Variants in UBFD1 observed in about 807,000 individuals in gnomAD.
The protein encoded by UBFD1 is ubiquitin domain-containing protein UBFD1.
Under a neutral mutation model 35.1 loss-of-function variants are expected in UBFD1, and 12 were observed. The observed-to-expected ratio is 0.34, with a 90% CI of 0.22 to 0.55. The LOEUF is 0.55. UBFD1 is among the 20% of genes least tolerant of loss of function. UBFD1 has a pLI of 0.89. For missense variants in UBFD1, 337 were observed against 410.8 expected (o/e 0.82, Z 1.55); for synonymous variants, 178 against 167.6 (o/e 1.06, Z -0.48).
chr16:23,567,639 G>A (rs1335759750), intron 6 of UBFD1, among the ~76,000 whole-genome samples: 1 of 152,250 alleles, frequency 6.6e-6, no homozygotes, highest in African/African-American at 2.4e-5. Context: ...TGTTGTGCAG[G>A]TCTGCAGAAC....
rs1199918025 is a variant in UBFD1, at chr16:23,571,077, G to A, written c.*487G>A. 3 of 152,154 alleles carry A rather than the reference G, an allele frequency of 2.0e-5. No individual in the cohort carries two copies. The highest frequency in any genetic ancestry group is 7.3e-5 in the African/African-American group (3 of 41,272). The allele number at this position is 152,154 out of a possible 1,614,324, so 9.4% of individuals were successfully genotyped here. A position where few individuals can be genotyped will look rare whatever the true frequency, so the allele number is the denominator to read the frequency against. ...TGTATAAAATTGTATGCAAAATGGG[G>A]GTGGGTTAGTAAGCCACATATTTCT... On this transcript the variant is annotated 3_prime_UTR_variant, in exon 7 of 7. Transcript: ENST00000395878.
At chr16:23,561,991 G>A (rs1208452623) in intron 3 of UBFD1, 1 of 507,368 alleles carries the variant, frequency 2.0e-6, no homozygotes, top group Non-Finnish European at 3.5e-6. Context: ...AGTCACAGCA[G>A]TAGGTAGTGG....
chr16:23,562,864 T>C, intron 5 of UBFD1, 134 bp downstream of exon 5: 1 of 788,060 alleles, frequency 1.3e-6, no homozygotes, highest in Non-Finnish European at 2.1e-6. Flanking sequence ...TTCTGGCTTT[T>C]AAATTTGCTT....
At chr16:23,562,337 T>C in intron 4 of UBFD1, 66 bp downstream of exon 4, 2 of 1,387,814 alleles carry the variant, frequency 1.4e-6, no homozygotes, top group Non-Finnish European at 2.0e-6. Context: ...TTGAGGTTCC[T>C]CCAATCCTGT....
chr16:23,563,617 C>CT (rs1248114895), intron 5 of UBFD1, among the ~76,000 whole-genome samples: 1 of 152,198 alleles, frequency 6.6e-6, no homozygotes, highest in African/African-American at 2.4e-5. Context: ...TTACCTACTG[C>CT]TTTTTATCCT....
chr16:23,560,083 T>C (rs1161447921), intron 3 of UBFD1, among the ~76,000 whole-genome samples: 2 of 152,194 alleles, frequency 1.3e-5, no homozygotes, highest in African/African-American at 4.8e-5. Flanking sequence ...TGGCTAGGCA[T>C]GGAAATCAAC....
rs1282744522 is a variant in UBFD1 at position 23,559,686 on chromosome 16, T to A, written c.564+10T>A. On this transcript the variant is annotated intron_variant, in intron 3 of 6. Coordinates refer to ENST00000395878, the MANE Select transcript of UBFD1 (RefSeq NM_019116.3). Reference sequence around the variant, plus strand: ...TCTCTGCAGGCAGAAAGTGAGTCCATCTTGTGCTTCTTGGTCTTGAGAAAT... The same window carrying A: ...TCTCTGCAGGCAGAAAGTGAGTCCAACTTGTGCTTCTTGGTCTTGAGAAAT... 2 of 1,613,970 alleles carry A rather than the reference T, an allele frequency of 1.2e-6. No individual in the cohort carries two copies. The highest frequency in any genetic ancestry group is 1.7e-6 in the Non-Finnish European group (2 of 1,179,956).
At chr16:23,559,917 G>A (rs756515919) in intron 3 of UBFD1, 6 of 1,494,900 alleles carry the variant, frequency 4.0e-6, no homozygotes, top group Non-Finnish European at 4.5e-6. Flanking sequence ...CTTGGTAAAG[G>A]GAGGCTTCAG....
chr16:23,573,457 C>T lies in UBFD1; in HGVS notation c.*2867C>T, dbSNP rs79869738. 1.3e-5 allele frequency: 2 copies of T among 152,282 alleles called. No individual in the cohort carries two copies. Among genetic ancestry groups the T allele is most frequent in the Non-Finnish European group, 2.9e-5 (2 of 68,038 alleles). 9.4% of individuals were successfully genotyped at this position (152,282 alleles called of 1,614,324 possible). A position where few individuals can be genotyped will look rare whatever the true frequency, so the allele number is the denominator to read the frequency against. On this transcript the variant is annotated 3_prime_UTR_variant, in exon 7 of 7. Transcript: ENST00000395878. ...GCGTGACCCTGTGAGCCAGGCCCCC[C>T]TTAGCTCTGCTTCAGATCACAGAAC...
At chr16:23,562,173 C>T (rs768771480) in intron 3 of UBFD1, 33 bp from the exon 4 acceptor site, 1 of 1,571,968 alleles carries the variant, frequency 6.4e-7, no homozygotes, top group Admixed American at 1.7e-5. Flanking sequence ...ATGTAGTCAG[C>T]TGTTTCATTT....
rs1417307404 is a variant in UBFD1, at chr16:23,571,708, T to TGA, written c.*1119_*1120insAG. On this transcript the variant is annotated 3_prime_UTR_variant, in exon 7 of 7. Transcript: ENST00000395878. The stretch of plus-strand genomic sequence containing the variant: ...GTGTCCTTTATCCCAGGTTCAGAGA[T>TGA]GCTGCCTTTCTGAAGAAGACATCTG... 1.3e-5 allele frequency: 2 copies of TGA among 152,704 alleles called. No individual in the cohort carries two copies. The highest frequency in any genetic ancestry group is 3.8e-4 in the East Asian group (2 of 5,202). 9.5% of individuals were successfully genotyped at this position (152,704 alleles called of 1,614,324 possible).
chr16:23,567,769 G>C (rs1204132683), intron 6 of UBFD1, among the ~76,000 whole-genome samples: 1 of 152,272 alleles, frequency 6.6e-6, no homozygotes, highest in Non-Finnish European at 1.5e-5. Context: ...GCCCATCAGG[G>C]GCCTGGCCTG....
At chr16:23,569,106 C>G (rs993356168) in intron 6 of UBFD1, 2 of 152,208 alleles carry the variant, frequency 1.3e-5, no homozygotes, top group African/African-American at 2.4e-5. Flanking sequence ...TAGTAGTCCC[C>G]TTCTCTTTTC....
intron 3 of UBFD1, chr16:23,561,847 A>C: frequency 1.3e-5 from 2 of 149,768 alleles, no homozygotes; most frequent in Non-Finnish European, 2.6e-5. Flanking sequence ...TTTTGAGGGG[A>C]GGAGGGCAAT....
rs768456351 is a variant in UBFD1 at position 23,558,065 on chromosome 16, C to T, written c.141C>T (p.Ser47=). 14 of 1,397,720 alleles carry T rather than the reference C, an allele frequency of 1.0e-5. No homozygotes were observed. The East Asian group carries it at 4.2e-4, about 42-fold the overall frequency. 86.6% of individuals were successfully genotyped at this position (1,397,720 alleles called of 1,614,324 possible). Residue 47 remains serine (S), a synonymous_variant, in exon 2 of 7, where the codon TCC becomes TCT. Transcript: ENST00000395878. Reference sequence around the variant, plus strand: ...CGGCGGGGGCGGCGGCCGAGGACTCCGGCGCCGCACGAGGCAGCCTGCAGC... The same window carrying T: ...CGGCGGGGGCGGCGGCCGAGGACTCTGGCGCCGCACGAGGCAGCCTGCAGC... ...EAAAGAAAED[S]GAARGSLQPA... is the part of the protein sequence containing the mutation.
At chr16:23,565,433 G>A (rs967792361) in intron 5 of UBFD1, 1 of 152,234 alleles carries the variant, frequency 6.6e-6, no homozygotes, top group Non-Finnish European at 1.5e-5. Flanking sequence ...GTGATCAGGA[G>A]TGTGGGTCCA....
At chr16:23,569,831 C>T (rs1472822856) in intron 6 of UBFD1, 4 of 152,082 alleles carry the variant, frequency 2.6e-5, no homozygotes, top group Admixed American at 1.3e-4. Context: ...TTCCAGTTTT[C>T]GTAAATGGTA....
At chr16:23,560,740 A>G (rs1015585253) in intron 3 of UBFD1, among the ~76,000 whole-genome samples, 1 of 152,230 alleles carries the variant, frequency 6.6e-6, no homozygotes, top group East Asian at 1.9e-4. Flanking sequence ...CTTTATAAAA[A>G]TTCCAAAACC....
intron 3 of UBFD1, among the ~76,000 whole-genome samples, chr16:23,561,444 G>T (rs1965932443): frequency 6.6e-6 from 1 of 152,218 alleles, no homozygotes; most frequent in Non-Finnish European, 1.5e-5. Flanking sequence ...GGGCCAGGCA[G>T]GAGAACTGTT....
Sources: gnomAD v4.1 joint callset for allele counts (sites outside exome capture counted in the v4.1 genomes callset) on GRCh38, gnomAD v4.1.1 for gene constraint, MANE v1.5 for transcripts, NCBI Gene and HGNC (gene_info 2026-07-23, HGNC 2026-07-21) for gene names.